The following MICAL2 variants were observed in gnomAD, a reference collection of about 807,000 sequenced individuals.
The protein encoded by MICAL2 is microtubule associated monooxygenase, calponin and LIM domain containing 2, also known as [F-actin]-monooxygenase MICAL2.
MICAL2 carries 77 observed loss-of-function variants against 127.3 expected under a neutral mutation model. The ratio of observed to expected loss-of-function variants is 0.60; its 90% CI spans 0.50 to 0.73. The LOEUF (loss-of-function observed/expected upper bound fraction) is 0.73, where lower values mean the gene tolerates loss of function less well. MICAL2 is among the 30% of genes least tolerant of loss of function. The pLI, the probability that MICAL2 is intolerant of heterozygous loss-of-function variation, is 0.00. For missense variants in MICAL2, 1,351 were observed against 1,434.4 expected (o/e 0.94, Z 0.94); for synonymous variants, 570 against 551.1 (o/e 1.03, Z -0.48).
downstream of MICAL2, among the ~76,000 whole-genome samples, chr11:12,361,358 A>C (rs945572061): frequency 7.9e-5 from 12 of 152,202 alleles, no homozygotes; most frequent in Admixed American, 2.0e-4. Context: ...TACAGAAAGA[A>C]TATTAGTCCT....
At chr11:12,141,902 G>A (rs977401202) in intron 2 of MICAL2, among the ~76,000 whole-genome samples, 1 of 152,238 alleles carries the variant, frequency 6.6e-6, no homozygotes, top group Non-Finnish European at 1.5e-5. Flanking sequence ...GGCTAGGGAA[G>A]GTGGATTTGT....
chr11:12,345,685 A>G (rs1938943112), intron 32 of MICAL2, among the ~76,000 whole-genome samples: 1 of 152,230 alleles, frequency 6.6e-6, no homozygotes, highest in Non-Finnish European at 1.5e-5. Flanking sequence ...AAGGTATCAG[A>G]CTTAACTACC....
chr11:12,349,559 C>T (rs1378149705), intron 32 of MICAL2, among the ~76,000 whole-genome samples: 1 of 152,068 alleles, frequency 6.6e-6, no homozygotes, highest in Non-Finnish European at 1.5e-5. Context: ...GGGGGAGGGT[C>T]GTTTGTGGTG....
At chr11:12,257,831 G>A (rs1565268417) in intron 24 of MICAL2, among the ~76,000 whole-genome samples, 1 of 152,324 alleles carries the variant, frequency 6.6e-6, no homozygotes, top group East Asian at 1.9e-4. Flanking sequence ...CAGTGAGCAA[G>A]GAAGGCTTGT....
intron 2 of MICAL2, among the ~76,000 whole-genome samples, chr11:12,148,776 C>T (rs1853241890): frequency 6.6e-6 from 1 of 152,152 alleles, no homozygotes; most frequent in South Asian, 2.1e-4. Flanking sequence ...ATGTGCAAAA[C>T]CATCATACAA....
intron 1 of MICAL2, among the ~76,000 whole-genome samples, chr11:12,115,360 C>T (rs1410125610): frequency 2.0e-5 from 3 of 152,186 alleles, no homozygotes; most frequent in East Asian, 1.9e-4. Flanking sequence ...CTGGACACCT[C>T]GATAGGTGTC....
downstream of MICAL2, among the ~76,000 whole-genome samples, chr11:12,268,705 A>G (rs1194270501): frequency 1.3e-5 from 2 of 152,050 alleles, no homozygotes; most frequent in Non-Finnish European, 2.9e-5. Context: ...AAAGAGGCCA[A>G]CTCGGCCGGG....
chr11:12,319,756 C>A, exon 30 of MICAL2: 2 of 1,613,592 alleles, frequency 1.2e-6, no homozygotes, highest in Non-Finnish European at 1.7e-6. Flanking sequence ...GCCTCTTCAA[C>A]CTCCTCCTCC....
At chr11:12,121,655 G>A (rs1850519404) in intron 1 of MICAL2, 1 of 152,246 alleles carries the variant, frequency 6.6e-6, no homozygotes, top group African/African-American at 2.4e-5. Flanking sequence ...AGCAGGTAGG[G>A]GGTTGGTTGC....
intron 33 of MICAL2, among the ~76,000 whole-genome samples, chr11:12,354,358 G>A (rs1289274805): frequency 6.6e-6 from 1 of 152,158 alleles, no homozygotes; most frequent in East Asian, 1.9e-4. Context: ...TGTAATCCCA[G>A]CTACTCAGGA....
In MICAL2 at chr11:12,221,752, G is replaced by A; in HGVS notation, c.1315G>A (p.Ala439Thr). Residue 439 changes from alanine (A) to threonine (T), a missense_variant, in exon 10 of 28, where the codon GCT becomes ACT. Around this residue, in one of 2 missense-constraint regions of MICAL2, gnomAD observed 599 missense variants for 714.9 expected, o/e 0.84. Coordinates refer to ENST00000683283, the MANE Select transcript of MICAL2 (RefSeq NM_001282663.2). ...NQGTPPLELL[A>T]ERESLYRLLP... ...GGGCACCCCTCCCCTGGAGCTGCTG[G>A]CTGAAAGGTGAGCTTTGACAGTAGG... The A allele has an allele frequency of 6.2e-7, 1 of 1,613,114 alleles. No homozygotes were observed. The highest frequency in any genetic ancestry group is 8.5e-7 in the Non-Finnish European group (1 of 1,179,600).
At chr11:12,276,421 TGG>T in intron 1 of MICAL2, 1 of 320,392 alleles carries the variant, frequency 3.1e-6, no homozygotes, top group Non-Finnish European at 5.6e-6. Context: ...GTTATTTTCT[TGG>T]GAAGAGAAAG....
At chr11:12,241,888 G>A (rs897258562) in intron 18 of MICAL2, among the ~76,000 whole-genome samples, 1 of 143,296 alleles carries the variant, frequency 7.0e-6, no homozygotes, top group African/African-American at 2.6e-5. Flanking sequence ...CAATCCAATC[G>A]AAATCTCTGG....
Position 12,222,663 on chromosome 11 carries a change from A to C in MICAL2, c.1369A>C (p.Asn457His), listed in dbSNP as rs370660854. 62 of 1,614,130 alleles carry C rather than the reference A, an allele frequency of 3.8e-5. No homozygotes were observed. The highest frequency in any genetic ancestry group is 5.0e-5 in the Admixed American group (3 of 60,018). Reference protein sequence around the residue: ...LLPQTTPENINKNFEQYTLDP... With the variant: ...LLPQTTPENIHKNFEQYTLDP... ...ACCTCAGACAACCCCGGAGAACATC[A>C]ACAAGAACTTTGAGCAGTACACGTT... is the stretch of plus-strand genomic sequence containing the variant. The change falls in exon 11 of 28, where the codon AAC becomes CAC. Residue 457 changes from asparagine (N) to histidine (H), a missense_variant. By Grantham distance (68) the Asn-to-His change is moderately conservative. Around this residue, in one of 2 missense-constraint regions of MICAL2, gnomAD observed 599 missense variants for 714.9 expected, o/e 0.84. Coordinates refer to ENST00000683283, the MANE Select transcript of MICAL2 (RefSeq NM_001282663.2).
intron 21 of MICAL2, among the ~76,000 whole-genome samples, chr11:12,246,469 G>T (rs113228177): frequency 0.013 from 2,021 of 152,340 alleles, 39 homozygotes; most frequent in African/African-American, 0.046. Context: ...GGGCAGGGGG[G>T]CCCTTCACTG....
chr11:12,163,075 C>T (rs1415120959), intron 3 of MICAL2, among the ~76,000 whole-genome samples: 1 of 152,212 alleles, frequency 6.6e-6, no homozygotes, highest in Non-Finnish European at 1.5e-5. Context: ...TGCCCACTCC[C>T]TTCCTCAGGA....
At chr11:12,265,384 A>G (rs985847759), downstream of MICAL2, among the ~76,000 whole-genome samples, 15 of 152,260 alleles carry the variant, frequency 9.9e-5, no homozygotes, top group Non-Finnish European at 4.4e-5. Context: ...AAGGAAAACC[A>G]TATAATTAAA....
rs559109322 is a variant in MICAL2, at chr11:12,284,115, T to C, written c.255-2972T>C. Among the ~76,000 whole-genome samples the C allele has an allele frequency of 3.6e-4, 55 of 152,316 alleles. No homozygotes were observed. The South Asian group carries it at 3.9e-3, about 11-fold the overall frequency. On this transcript the variant is annotated intron_variant, in intron 2 of 2. Transcript: ENST00000529028. The stretch of plus-strand genomic sequence containing the variant: ...ATTGTGAAATCCACACCCAAGCAAC[T>C]AAATGAATCGATCTAGTGCATTGGA...
chr11:12,311,446 C>G (rs1232108495), intron 29 of MICAL2, among the ~76,000 whole-genome samples: 1 of 151,102 alleles, frequency 6.6e-6, no homozygotes, highest in African/African-American at 2.5e-5. Context: ...GAGTCTTGCT[C>G]TGTTGCCCAG....
Sources: gnomAD v4.1 joint callset for allele counts (sites outside exome capture counted in the v4.1 genomes callset) on GRCh38, gnomAD v4.1.1 for gene constraint, gnomAD v4.1.1 regional missense constraint, MANE v1.5 for transcripts, NCBI Gene and HGNC (gene_info 2026-07-23, HGNC 2026-07-21) for gene names.